Variants in RARB observed in about 807,000 individuals in gnomAD.
RARB encodes HBV-activated protein.
Under a neutral mutation model 51.9 loss-of-function variants are expected in RARB, and 17 were observed. The observed-to-expected ratio is 0.33, with a 90% CI of 0.22 to 0.49. The LOEUF (loss-of-function observed/expected upper bound fraction) is 0.49, where lower values mean the gene tolerates loss of function less well. Ranked by LOEUF, RARB falls within the 20% of genes least tolerant of loss-of-function variation. The pLI is 0.99. For missense variants in RARB, 369 were observed against 550.8 expected, an observed-to-expected ratio of 0.67 and a Z score of 3.30; for synonymous variants, 215 against 195.4, an observed-to-expected ratio of 1.10 and a Z score of -0.84.
intron 4 of RARB, among the ~76,000 whole-genome samples, chr3:25,168,387 G>A (rs567531243): frequency 6.6e-6 from 1 of 151,932 alleles, no homozygotes; most frequent in East Asian, 1.9e-4. Context: ...ACCATGCCCG[G>A]CTAATTTTTT....
chr3:24,860,304 C>T (rs969482638), intron 2 of RARB, among the ~76,000 whole-genome samples: 1 of 152,118 alleles, frequency 6.6e-6, no homozygotes, highest in Non-Finnish European at 1.5e-5. Flanking sequence ...TTCTGCCTTC[C>T]CAGCCAGTAA....
intron 3 of RARB, among the ~76,000 whole-genome samples, chr3:25,104,528 C>T (rs969819606): frequency 1.3e-5 from 2 of 152,008 alleles, no homozygotes; most frequent in African/African-American, 4.8e-5. Context: ...TCTATAGTTC[C>T]AGCTACTCGG....
intron 5 of RARB, among the ~76,000 whole-genome samples, chr3:25,584,198 T>G (rs1013343031): frequency 1.3e-5 from 2 of 152,092 alleles, no homozygotes; most frequent in African/African-American, 4.8e-5. Flanking sequence ...AAATATCTGT[T>G]GATGACCTAC....
intron 3 of RARB, among the ~76,000 whole-genome samples, chr3:25,557,544 T>G (rs1248495406): frequency 2.0e-5 from 3 of 152,090 alleles, no homozygotes; most frequent in Admixed American, 2.0e-4. Flanking sequence ...AGGCCCTTTT[T>G]CCTCCTCCTT....
intron 5 of RARB, among the ~76,000 whole-genome samples, chr3:25,278,179 T>C (rs1703437506): frequency 6.6e-6 from 1 of 152,180 alleles, no homozygotes; most frequent in Non-Finnish European, 1.5e-5. Context: ...TGGTGTGGTG[T>C]GGTGGTTGGC....
intron 2 of RARB, among the ~76,000 whole-genome samples, chr3:24,952,045 T>A (rs1256579787): frequency 1.3e-5 from 2 of 152,166 alleles, no homozygotes; most frequent in African/African-American, 4.8e-5. Context: ...ATGCAAACAA[T>A]TAAAATAGCT....
chr3:25,019,178 T>C (rs989284080), intron 2 of RARB, among the ~76,000 whole-genome samples: 1 of 152,184 alleles, frequency 6.6e-6, no homozygotes, highest in African/African-American at 2.4e-5. Flanking sequence ...TGAGCTATGC[T>C]AGGGAGAAAT....
chr3:25,565,258 C>T (rs963790024), intron 3 of RARB, among the ~76,000 whole-genome samples: 1 of 152,164 alleles, frequency 6.6e-6, no homozygotes, highest in Admixed American at 6.5e-5. Context: ...CCTGTGCCTC[C>T]ACTTTCTCAT....
intron 5 of RARB, among the ~76,000 whole-genome samples, chr3:25,421,372 C>A (rs1559393683): frequency 6.8e-6 from 1 of 146,018 alleles, no homozygotes; most frequent in African/African-American, 2.5e-5. Flanking sequence ...TTTGTCCTTG[C>A]AGACATTGCA....
At chr3:25,491,940 CA>C (rs58891196) in intron 2 of RARB, among the ~76,000 whole-genome samples, 324 of 143,234 alleles carry the variant, frequency 2.3e-3, no homozygotes, top group East Asian at 7.4e-3. Context: ...GACTCTGTCT[CA>C]AAAAAAAAAA....
At chr3:25,086,248 G>A (rs746165782) in intron 3 of RARB, among the ~76,000 whole-genome samples, 8 of 152,120 alleles carry the variant, frequency 5.3e-5, no homozygotes, top group Non-Finnish European at 1.0e-4. Context: ...CCAGAAGAAC[G>A]TGCAATGGGC....
At chr3:25,231,693 G>C (rs1352407213) in intron 5 of RARB, among the ~76,000 whole-genome samples, 1 of 152,078 alleles carries the variant, frequency 6.6e-6, no homozygotes, top group Non-Finnish European at 1.5e-5. Flanking sequence ...AATTGAGCAT[G>C]GTTTCATGTG....
chr3:25,100,584 TTA>T (rs1355195471), intron 3 of RARB, among the ~76,000 whole-genome samples: 1 of 152,192 alleles, frequency 6.6e-6, no homozygotes, highest in African/African-American at 2.4e-5. Flanking sequence ...TTCATTTATT[TTA>T]TGTTTCCACT....
intron 5 of RARB, among the ~76,000 whole-genome samples, chr3:25,360,074 G>T (rs1190048172): frequency 6.6e-6 from 1 of 152,176 alleles, no homozygotes; most frequent in Non-Finnish European, 1.5e-5. Context: ...AGACAGTGGG[G>T]TGTTAAAGTT....
intron 2 of RARB, among the ~76,000 whole-genome samples, chr3:25,482,497 A>C (rs1370155916): frequency 2.1e-5 from 3 of 146,190 alleles, no homozygotes; most frequent in African/African-American, 7.9e-5. Context: ...TTACACATGT[A>C]ACTTTAAATT....
intron 2 of RARB, among the ~76,000 whole-genome samples, chr3:25,469,976 T>C (rs1443372923): frequency 6.6e-6 from 1 of 152,128 alleles, no homozygotes; most frequent in Non-Finnish European, 1.5e-5. Context: ...TGGGAGCATG[T>C]GGGAGTGGTG....
intron 4 of RARB, among the ~76,000 whole-genome samples, chr3:25,141,100 T>C (rs559643192): frequency 4.6e-4 from 70 of 152,276 alleles, no homozygotes; most frequent in Non-Finnish European, 8.8e-4. Flanking sequence ...TGTAATATCT[T>C]TGAGGTATAC....
At chr3:25,433,381 C>G (rs193024516) in intron 1 of RARB, among the ~76,000 whole-genome samples, 5 of 152,274 alleles carry the variant, frequency 3.3e-5, no homozygotes, top group Non-Finnish European at 7.3e-5. Context: ...GTCTGAAGAT[C>G]GCCTTGTGTT....
At chr3:25,382,386 T>C (rs1367574947) in intron 5 of RARB, among the ~76,000 whole-genome samples, 1 of 133,580 alleles carries the variant, frequency 7.5e-6, no homozygotes, top group Non-Finnish European at 1.6e-5. Context: ...GTGTGCTCCT[T>C]TGGAGGCTCT....
Sources: gnomAD v4.1 joint callset for allele counts (sites outside exome capture counted in the v4.1 genomes callset) on GRCh38, gnomAD v4.1.1 for gene constraint, MANE v1.5 for transcripts, NCBI Gene and HGNC (gene_info 2026-07-23, HGNC 2026-07-21) for gene names.